TMEM106B: variants seen among roughly 807,000 people sequenced by gnomAD.
TMEM106B encodes the protein transmembrane protein 106B.
TMEM106B carries 15 observed loss-of-function variants against 31.1 expected under a neutral mutation model. The ratio of observed to expected loss-of-function variants is 0.48; its 90% confidence interval spans 0.32 to 0.74. The LOEUF (loss-of-function observed/expected upper bound fraction) is 0.74, where lower values mean the gene tolerates loss of function less well. TMEM106B is among the 30% of genes least tolerant of loss of function. TMEM106B has a pLI of 0.03. For synonymous variants in TMEM106B, 126 were observed against 112.5 expected (o/e 1.12, Z -0.76); for missense variants, 283 against 327.3 (o/e 0.86, Z 1.04).
chr7:12,229,400 G>T (rs1213130059), intron 4 of TMEM106B, among the ~76,000 whole-genome samples: 3 of 152,138 alleles, frequency 2.0e-5, no homozygotes, highest in African/African-American at 7.2e-5. Context: ...GGTCATCTTT[G>T]TATTTAATAG....
Position 12,219,946 on chromosome 7 carries a change from GAC to G in TMEM106B, c.281+1428_281+1429del, listed in dbSNP as rs545212867. On this transcript the variant is annotated intron_variant, in intron 3 of 7. Transcript: ENST00000396668. ...AACACAGGGACCTGCATATTGAAAA[GAC>G]ACCACAATCCTGAAAAAAATCAACC... 9.2e-5 allele frequency among the ~76,000 whole-genome samples: 14 copies of G among 152,122 alleles called. No individual in the cohort carries two copies. In the South Asian group the frequency reaches 2.5e-3, roughly 27 times the overall value.
At chr7:12,224,995 C>A (rs1435469187) in intron 4 of TMEM106B, among the ~76,000 whole-genome samples, 2 of 151,844 alleles carry the variant, frequency 1.3e-5, no homozygotes, top group African/African-American at 4.8e-5. Flanking sequence ...TTAGGTATTT[C>A]TCCTAATGCT....
In TMEM106B at chr7:12,242,265, C is replaced by T. The variant is rs976549662; in HGVS notation, c.*10290C>T. The T allele has an allele frequency of 3.3e-5, 3 of 90,172 alleles. 1 individual carries two copies. The highest frequency in any genetic ancestry group is 6.6e-5 in the African/African-American group (1 of 15,120). The allele number at this position is 90,172 out of a possible 1,614,324, so 5.6% of individuals were successfully genotyped here. ...GCGGGCGCCTGTAGTCCCAGCTACT[C>T]GGGAGGCTGAGGCAGGAGAATGGCG... On this transcript the variant is annotated 3_prime_UTR_variant, in exon 8 of 8. Coordinates refer to ENST00000396668, the MANE Select transcript of TMEM106B (RefSeq NM_001134232.2).
At position 12,236,804 on chromosome 7, in the gene TMEM106B, G is replaced by A. The variant is rs1157130879; in HGVS notation, c.*4829G>A. ...AGATTTTTATTATATAATGGTTTTAGGCATAAATTATTAACAAGCCATGCC... is the reference window on the plus strand; with the variant it reads ...AGATTTTTATTATATAATGGTTTTAAGCATAAATTATTAACAAGCCATGCC... On this transcript the variant is annotated 3_prime_UTR_variant, in exon 8 of 8. Coordinates refer to ENST00000396668, the MANE Select transcript of TMEM106B (RefSeq NM_001134232.2). The A allele has an allele frequency of 6.6e-6, 1 of 151,896 alleles. No homozygotes were observed. 9.4% of individuals were successfully genotyped at this position (151,896 alleles called of 1,614,324 possible).
rs1782097787 is a variant in TMEM106B, at chr7:12,234,816, TA to T, written c.*2842del. ...TTAGAGTTCTTTCCTATGTTTTTCT[TA>T]CGTGATTTCCCACAGTTCCATGAGT... On this transcript the variant is annotated 3_prime_UTR_variant, in exon 8 of 8. Coordinates refer to ENST00000396668, the MANE Select transcript of TMEM106B (RefSeq NM_001134232.2). 1 of 151,880 alleles carries T rather than the reference TA, an allele frequency of 6.6e-6. No homozygotes were observed. Among genetic ancestry groups the T allele is most frequent in the African/African-American group, 2.4e-5 (1 of 41,424 alleles). 9.4% of individuals were successfully genotyped at this position (151,880 alleles called of 1,614,324 possible).
rs1298787348 is a variant in TMEM106B, at chr7:12,240,565, C to G, written c.*8590C>G. 1 of 151,910 alleles carries G rather than the reference C, an allele frequency of 6.6e-6. No individual in the cohort carries two copies. Among genetic ancestry groups the G allele is most frequent in the Non-Finnish European group, 1.5e-5 (1 of 68,008 alleles). 9.4% of individuals were successfully genotyped at this position (151,910 alleles called of 1,614,324 possible). On this transcript the variant is annotated 3_prime_UTR_variant, in exon 8 of 8. Transcript: ENST00000396668. ...AGATGGAATGTGCCCAAAATTATCTCTGTAGAATAATATGGAAAAACGAAA... is the reference window on the plus strand; with the variant it reads ...AGATGGAATGTGCCCAAAATTATCTGTGTAGAATAATATGGAAAAACGAAA...
At position 12,239,537 on chromosome 7, in the gene TMEM106B, G is replaced by C. The variant is rs1402409380; in HGVS notation, c.*7562G>C. On this transcript the variant is annotated 3_prime_UTR_variant, in exon 8 of 8. Coordinates refer to ENST00000396668, the MANE Select transcript of TMEM106B (RefSeq NM_001134232.2). ...CTTTCAGCCTATCTTGACTTTCCAA[G>C]ATTGTCCTTGGTGAGAAATGCTTGA... The C allele has an allele frequency of 6.6e-6, 1 of 152,030 alleles. No homozygotes were observed. The highest frequency in any genetic ancestry group is 2.1e-4 in the South Asian group (1 of 4,828). The allele number at this position is 152,030 out of a possible 1,614,324, so 9.4% of individuals were successfully genotyped here. A position where few individuals can be genotyped will look rare whatever the true frequency, so the allele number is the denominator to read the frequency against.
Position 12,232,141 on chromosome 7 carries a change from C to G in TMEM106B, c.*166C>G. On this transcript the variant is annotated 3_prime_UTR_variant, in exon 8 of 8. Coordinates refer to ENST00000396668, the MANE Select transcript of TMEM106B (RefSeq NM_001134232.2). ...GACCTGCAGTTCTTGTAACTCTCCA[C>G]TCTGTGTTAATGATATATTTGTACT... 2 of 527,018 alleles carry G rather than the reference C, an allele frequency of 3.8e-6. No homozygotes were observed. The highest frequency in any genetic ancestry group is 6.5e-6 in the Non-Finnish European group (2 of 306,914). 32.6% of individuals were successfully genotyped at this position (527,018 alleles called of 1,614,324 possible).
Position 12,224,079 on chromosome 7 carries a change from A to G in TMEM106B, c.282-147A>G, listed in dbSNP as rs1008866804. 1.1e-5 allele frequency: 8 copies of G among 717,766 alleles called. No individual in the cohort carries two copies. In the East Asian group the frequency reaches 2.0e-4, roughly 18 times the overall value. The allele number at this position is 717,766 out of a possible 1,614,324, so 44.5% of individuals were successfully genotyped here. ...ATAGACTCAGACTCAACCATACCCA[A>G]TACTTTCAGATGTGAAAATTTGGTA... is the stretch of plus-strand genomic sequence containing the variant. On this transcript the variant is annotated intron_variant, in intron 3 of 7. Transcript: ENST00000396668.
chr7:12,240,673 T>G lies in TMEM106B; in HGVS notation c.*8698T>G, dbSNP rs1004937630. The G allele has an allele frequency of 1.3e-5, 2 of 152,072 alleles. No homozygotes were observed. Among genetic ancestry groups the G allele is most frequent in the African/African-American group, 4.8e-5 (2 of 41,436 alleles). The allele number at this position is 152,072 out of a possible 1,614,324, so 9.4% of individuals were successfully genotyped here. On this transcript the variant is annotated 3_prime_UTR_variant, in exon 8 of 8. Coordinates refer to ENST00000396668, the MANE Select transcript of TMEM106B (RefSeq NM_001134232.2). ...ATCATTAATAAGTTTGTGAGGCTTT[T>G]TTTTTTTTTCTGGTAGATTTCTGTT...
At chr7:12,212,989 C>T (rs1781610367) in intron 1 of TMEM106B, among the ~76,000 whole-genome samples, 1 of 151,990 alleles carries the variant, frequency 6.6e-6, no homozygotes. Flanking sequence ...TATTTTTTCT[C>T]AGGATATAAG....
intron 2 of TMEM106B, 77 bp downstream of exon 2, chr7:12,215,104 G>C: frequency 6.5e-6 from 8 of 1,237,368 alleles, no homozygotes; most frequent in Non-Finnish European, 7.9e-6. Flanking sequence ...GTGGGTCTCA[G>C]GAACCACCTG....
At chr7:12,214,492 CA>C in intron 1 of TMEM106B, 1 of 232,870 alleles carries the variant, frequency 4.3e-6, no homozygotes, top group Non-Finnish European at 8.4e-6. Flanking sequence ...ACCCCTGCTT[CA>C]AAATGTCCTG....
intron 2 of TMEM106B, among the ~76,000 whole-genome samples, chr7:12,217,294 A>C (rs1781707337): frequency 6.6e-6 from 1 of 152,210 alleles, no homozygotes; most frequent in Non-Finnish European, 1.5e-5. Context: ...GATAGATCTG[A>C]TAATAGAAGC....
In TMEM106B at chr7:12,239,060, C is replaced by G. The variant is rs1782194675; in HGVS notation, c.*7085C>G. ...TTTTTGTAAAAGAAGGTTGTTTTAT[C>G]TACATTGAAAATATATTGTTCATTG... On this transcript the variant is annotated 3_prime_UTR_variant, in exon 8 of 8. Transcript: ENST00000396668. 6.6e-6 allele frequency: 1 copy of G among 152,140 alleles called. No individual in the cohort carries two copies. The highest frequency in any genetic ancestry group is 1.5e-5 in the Non-Finnish European group (1 of 68,010). The allele number at this position is 152,140 out of a possible 1,614,324, so 9.4% of individuals were successfully genotyped here. A position where few individuals can be genotyped will look rare whatever the true frequency, so the allele number is the denominator to read the frequency against.
chr7:12,225,683 C>T (rs143141037), intron 4 of TMEM106B, among the ~76,000 whole-genome samples: 4,490 of 152,026 alleles, frequency 0.03, 163 homozygotes, highest in African/African-American at 0.086. Context: ...GAGAAGTGTC[C>T]GTTCATATCC....
At chr7:12,218,579 T>C in intron 3 of TMEM106B, 58 bp downstream of exon 3, 1 of 1,434,450 alleles carries the variant, frequency 7.0e-7, no homozygotes, top group South Asian at 1.3e-5. Context: ...TTTTGTATTT[T>C]TTCAAATTAT....
intron 4 of TMEM106B, 126 bp from the exon 5 acceptor site, chr7:12,229,548 TTTGAC>T: frequency 1.4e-6 from 1 of 735,932 alleles, no homozygotes. Context: ...TTTAATTTTC[TTTGAC>T]ATTTTGGTAT....
intron 3 of TMEM106B, among the ~76,000 whole-genome samples, chr7:12,221,797 G>A (rs537475916): frequency 1.1e-4 from 16 of 152,254 alleles, no homozygotes; most frequent in African/African-American, 3.8e-4. Flanking sequence ...GCAGGGCAGA[G>A]TACCAGAAGG....
Sources: allele counts gnomAD v4.1 joint callset (sites outside exome capture counted in the v4.1 genomes callset), GRCh38; gene constraint gnomAD v4.1.1; transcripts MANE v1.5; gene names NCBI Gene and HGNC (gene_info 2026-07-23, HGNC 2026-07-21).